The following CCDC102A variants were observed in gnomAD, a reference collection of about 807,000 sequenced individuals.
CCDC102A encodes the protein coiled-coil domain-containing protein 102A.
In CCDC102A, 40 loss-of-function variants were observed where a neutral mutation model predicts 55.5. The ratio of observed to expected loss-of-function variants is 0.72; its 90% confidence interval spans 0.56 to 0.94. The LOEUF is 0.94. Ranked by LOEUF, CCDC102A falls within the 40% of genes least tolerant of loss-of-function variation. The pLI is 0.00. For missense variants in CCDC102A, 779 were observed against 768.6 expected (o/e 1.01, Z -0.16); for synonymous variants, 323 against 339.0 (o/e 0.95, Z 0.52).
chr16:57,520,975 T>C, intron 4 of CCDC102A, 93 bp downstream of exon 4: 2 of 810,810 alleles, frequency 2.5e-6, no homozygotes, highest in Non-Finnish European at 2.1e-6. Flanking sequence ...TTGGATGAAT[T>C]AATGAATGAA....
In CCDC102A at chr16:57,529,529, A is replaced by C. The variant is rs2032214455; in HGVS notation, c.-147-205T>G. Among the ~76,000 whole-genome samples the C allele has an allele frequency of 6.6e-6, 1 of 152,094 alleles. No homozygotes were observed. The highest frequency in any genetic ancestry group is 6.5e-5 in the Admixed American group (1 of 15,278). The stretch of plus-strand genomic sequence containing the variant: ...CTCGACTCCCTGCTCCAATCCCTTC[A>C]CCCAGCGGCGCTAATCTGAAACCTT... On this transcript the variant is annotated intron_variant, in intron 1 of 8. Transcript: ENST00000258214. This position sits in a 1 kb window ranked among gnomAD's most constrained non-coding sequence, Gnocchi z 4.1.
In CCDC102A at chr16:57,526,193, T is replaced by C. The variant is rs1043132636; in HGVS notation, c.586-66A>G. On this transcript the variant is annotated intron_variant, in intron 2 of 8. Coordinates refer to ENST00000258214, the MANE Select transcript of CCDC102A (RefSeq NM_033212.4). ...GCCAGGCCCTGGGTCTGAGATCAGC[T>C]TGATGGGTAACCTTGGGCAAGTCAC... 1.3e-5 allele frequency: 16 copies of C among 1,220,384 alleles called. No individual in the cohort carries two copies. The East Asian group carries it at 2.6e-4, about 20-fold the overall frequency. 75.6% of individuals were successfully genotyped at this position (1,220,384 alleles called of 1,614,324 possible). A position where few individuals can be genotyped will look rare whatever the true frequency, so the allele number is the denominator to read the frequency against.
At position 57,514,406 on chromosome 16, in the gene CCDC102A, G is replaced by T. The variant is rs572525338; in HGVS notation, c.1523+935C>A. Among the ~76,000 whole-genome samples, 6 of 152,230 alleles carry T rather than the reference G, an allele frequency of 3.9e-5. No homozygotes were observed. The East Asian group carries it at 9.7e-4, about 24-fold the overall frequency. On this transcript the variant is annotated intron_variant, in intron 8 of 8. Transcript: ENST00000258214. ...GTAGACATGGGGGTCTTGCTTTGTT[G>T]CCCAGGGGGTCTCAAACTCCTGGTC...
chr16:57,517,150 A>G (rs1336081392), intron 6 of CCDC102A, among the ~76,000 whole-genome samples: 2 of 151,846 alleles, frequency 1.3e-5, no homozygotes, highest in Non-Finnish European at 2.9e-5. Context: ...ACTCTCTCGA[A>G]GAGTCCCACC....
intron 8 of CCDC102A, among the ~76,000 whole-genome samples, 175 bp downstream of exon 8, chr16:57,515,165 TG>T (rs1452273789): frequency 6.6e-6 from 1 of 152,158 alleles, no homozygotes; most frequent in Non-Finnish European, 1.5e-5. Flanking sequence ...CTGCACCCCC[TG>T]CCCTGGTTTC....
Position 57,526,871 on chromosome 16 carries a change from G to C in CCDC102A, c.586-744C>G, listed in dbSNP as rs188157253. ...CTGTTTCTCAGATTATTCAGGTGGA[G>C]GTGTCCAAAGCCCCATTTTACGAAT... On this transcript the variant is annotated intron_variant, in intron 2 of 8. Coordinates refer to ENST00000258214, the MANE Select transcript of CCDC102A (RefSeq NM_033212.4). Among the ~76,000 whole-genome samples the C allele has an allele frequency of 4.6e-5, 7 of 152,310 alleles. No homozygotes were observed. The East Asian group carries it at 1.2e-3, about 25-fold the overall frequency.
At chr16:57,523,592 C>T (rs188691217) in intron 3 of CCDC102A, among the ~76,000 whole-genome samples, 1 of 151,990 alleles carries the variant, frequency 6.6e-6, no homozygotes, top group Non-Finnish European at 1.5e-5. Context: ...GCGATCCTCC[C>T]GCCTCAGCCT....
chr16:57,524,717 T>TC (rs2032106287), intron 3 of CCDC102A, among the ~76,000 whole-genome samples: 1 of 132,406 alleles, frequency 7.6e-6, no homozygotes, highest in African/African-American at 3.6e-5. Flanking sequence ...TTATATTGAT[T>TC]TTTTAAAAAG....
intron 4 of CCDC102A, among the ~76,000 whole-genome samples, chr16:57,519,304 C>G (rs574917253): frequency 1.3e-5 from 2 of 152,324 alleles, no homozygotes; most frequent in Non-Finnish European, 2.9e-5. Context: ...ACCTAAAGGC[C>G]CCCTCCTTAG....
intron 1 of CCDC102A, among the ~76,000 whole-genome samples, chr16:57,533,304 CAG>C (rs1249172774): frequency 3.3e-5 from 5 of 152,028 alleles, no homozygotes; most frequent in Non-Finnish European, 5.9e-5. Flanking sequence ...TCGGGGTCCT[CAG>C]GGGAGTTTTC....
Position 57,512,504 on chromosome 16 carries a change from T to G in CCDC102A, c.*237A>C. On this transcript the variant is annotated 3_prime_UTR_variant, in exon 9 of 9. Transcript: ENST00000258214. ...TATAAAACCAAATGGGTCCAAAGAC[T>G]TCTGGGTGTGCGCGCGCGCGCGCGC... The G allele has an allele frequency of 2.3e-6, 1 of 443,776 alleles. No individual in the cohort carries two copies. The highest frequency in any genetic ancestry group is 3.9e-6 in the Non-Finnish European group (1 of 255,066). 27.5% of individuals were successfully genotyped at this position (443,776 alleles called of 1,614,324 possible). A position where few individuals can be genotyped will look rare whatever the true frequency, so the allele number is the denominator to read the frequency against.
chr16:57,536,376 CT>C (rs1175113456), intron 1 of CCDC102A, 123 bp downstream of exon 1: 1 of 152,316 alleles, frequency 6.6e-6, no homozygotes, highest in Non-Finnish European at 1.5e-5. Context: ...GGCGCCCCGA[CT>C]GTGTCTGCTC....
intron 4 of CCDC102A, among the ~76,000 whole-genome samples, chr16:57,519,157 T>C (rs1260578381): frequency 4.6e-5 from 7 of 152,152 alleles, no homozygotes; most frequent in Admixed American, 3.9e-4. Context: ...CCCCCTTAGT[T>C]CACTGTACTC....
rs923192557 is a variant in CCDC102A, at chr16:57,515,438, C to T, written c.1426G>A (p.Glu476Lys). The T allele has an allele frequency of 8.7e-6, 14 of 1,601,384 alleles. No homozygotes were observed. Among genetic ancestry groups the T allele is most frequent in the Middle Eastern group, 1.8e-4 (1 of 5,424 alleles). ...ELAQAEDELDEAHNQARKLQR... is the reference protein window; with the variant it reads ...ELAQAEDELDKAHNQARKLQR... The stretch of plus-strand genomic sequence containing the variant: ...AGCTTACGTGCCTGGTTGTGGGCCT[C>T]GTCCAGCTGTGGGGGTGAGCAGGGC... Residue 476 changes from glutamate to lysine, a missense_variant, in exon 8 of 9, where the codon GAG becomes AAG. Transcript: ENST00000258214.
rs996886734 is a variant in CCDC102A at position 57,521,624 on chromosome 16, G to T, written c.813-448C>A. On this transcript the variant is annotated intron_variant, in intron 3 of 8. Transcript: ENST00000258214. ...CTGCAAGGCTTGGTCTGAACACATG[G>T]TTCTGCAGATAGAAACACTGGAAAA... Among the ~76,000 whole-genome samples, 17 of 152,118 alleles carry T rather than the reference G, an allele frequency of 1.1e-4. 1 individual carries two copies. Among genetic ancestry groups the T allele is most frequent in the South Asian group, 4.1e-4 (2 of 4,824 alleles).
At chr16:57,531,828 A>T (rs2032270190) in intron 1 of CCDC102A, among the ~76,000 whole-genome samples, 1 of 152,132 alleles carries the variant, frequency 6.6e-6, no homozygotes, top group African/African-American at 2.4e-5. Context: ...GCAAACGCCA[A>T]CCCTGTTCCC....
In CCDC102A at chr16:57,529,293, T is replaced by A; in HGVS notation, c.-116A>T. 1 of 1,118,174 alleles carries A rather than the reference T, an allele frequency of 8.9e-7. No individual in the cohort carries two copies. The highest frequency in any genetic ancestry group is 1.1e-6 in the Non-Finnish European group (1 of 913,832). The allele number at this position is 1,118,174 out of a possible 1,614,324, so 69.3% of individuals were successfully genotyped here. A position where few individuals can be genotyped will look rare whatever the true frequency, so the allele number is the denominator to read the frequency against. On this transcript the variant is annotated 5_prime_UTR_variant, in exon 2 of 9. Coordinates refer to ENST00000258214, the MANE Select transcript of CCDC102A (RefSeq NM_033212.4). The surrounding 1 kb of genome is among the most constrained non-coding windows in gnomAD (Gnocchi z 4.1). ...GATGACGCCGTGCCCCGCTTCCCTC[T>A]GGGCCACCGGGCGGAGGACGCCTCC...
intron 1 of CCDC102A, among the ~76,000 whole-genome samples, chr16:57,533,002 G>C (rs1258957119): frequency 6.6e-6 from 1 of 152,178 alleles, no homozygotes. Context: ...CCTGGCACAG[G>C]GCTTGGCCCA....
intron 4 of CCDC102A, among the ~76,000 whole-genome samples, chr16:57,520,597 TA>T (rs762695354): frequency 0.11 from 11,306 of 104,370 alleles, 574 homozygotes; most frequent in African/African-American, 0.21. Context: ...ATAACATAAA[TA>T]AAATAAAATA....
Sources: allele counts gnomAD v4.1 joint callset (sites outside exome capture counted in the v4.1 genomes callset), GRCh38; gene constraint gnomAD v4.1.1; non-coding constraint Gnocchi (gnomAD v3.1); transcripts MANE v1.5; gene names NCBI Gene and HGNC (gene_info 2026-07-23, HGNC 2026-07-21).